Variants in DPP10 observed in about 807,000 individuals in gnomAD.
DPP10 encodes inactive dipeptidyl peptidase 10.
In DPP10, 33 loss-of-function variants were observed where a neutral mutation model predicts 120.9. The observed-to-expected ratio is 0.27, with a 90% confidence interval of 0.21 to 0.37. The LOEUF (loss-of-function observed/expected upper bound fraction) is 0.37. Among genes scored for constraint, DPP10 ranks in the 10% least tolerant of loss-of-function variants. The probability of loss-of-function intolerance (pLI) is 1.00; values close to 1 mark genes in which losing one functional copy is unlikely to be tolerated. For synonymous variants in DPP10, 337 were observed against 326.1 expected (o/e 1.03, Z -0.36); for missense variants, 816 against 942.8 (o/e 0.87, Z 1.76).
intron 1 of DPP10, among the ~76,000 whole-genome samples, chr2:114,989,162 T>G (rs1700607890): frequency 6.6e-6 from 1 of 152,224 alleles, no homozygotes; most frequent in Non-Finnish European, 1.5e-5. Flanking sequence ...GTTGTTTTCC[T>G]TATTTTTTTC....
chr2:115,309,197 G>T, intron 1 of DPP10, 42 bp from the exon 2 acceptor site: 1 of 1,481,034 alleles, frequency 6.8e-7, no homozygotes, highest in Non-Finnish European at 9.4e-7. Flanking sequence ...CATTTCTCTT[G>T]GAGCATGAAT....
intron 1 of DPP10, among the ~76,000 whole-genome samples, chr2:114,610,341 AC>A (rs1693181182): frequency 6.6e-6 from 1 of 152,152 alleles, no homozygotes; most frequent in South Asian, 2.1e-4. Context: ...AAGGCATTAG[AC>A]CTTTTTAACC....
chr2:114,863,025 T>C (rs1689947897), intron 1 of DPP10, among the ~76,000 whole-genome samples: 1 of 152,132 alleles, frequency 6.6e-6, no homozygotes, highest in Non-Finnish European at 1.5e-5. Flanking sequence ...TCGCAGTACA[T>C]ATGTGTTTGC....
chr2:115,306,016 T>A (rs529317471), intron 1 of DPP10, among the ~76,000 whole-genome samples: 34 of 151,274 alleles, frequency 2.2e-4, no homozygotes, highest in Admixed American at 9.2e-4. Context: ...TAGGTAAGAG[T>A]TTTTTTTATG....
chr2:115,345,101 A>AAATG (rs2063645273), intron 3 of DPP10, among the ~76,000 whole-genome samples: 1 of 152,228 alleles, frequency 6.6e-6, no homozygotes, highest in Non-Finnish European at 1.5e-5. Flanking sequence ...TTTTTTGAAT[A>AAATG]AATGAATGAA....
At chr2:115,328,919 T>G (rs1035652757) in intron 2 of DPP10, among the ~76,000 whole-genome samples, 1 of 152,082 alleles carries the variant, frequency 6.6e-6, no homozygotes, top group Non-Finnish European at 1.5e-5. Context: ...AAATATGACC[T>G]TCTAACTCTG....
At position 115,574,784 on chromosome 2, in the gene DPP10, T is replaced by C. The variant is rs1316713383; in HGVS notation, c.441+48812T>C. Among the ~76,000 whole-genome samples the C allele has an allele frequency of 2.0e-5, 3 of 152,298 alleles. No homozygotes were observed. In the East Asian group the frequency reaches 5.8e-4, roughly 29 times the overall value. On this transcript the variant is annotated intron_variant, in intron 5 of 25. Transcript: ENST00000410059. Reference sequence around the variant, plus strand: ...ATGAATTTACCTCGGGCATTGCAGTTCCTTAGATGTACGTGACCTCCAGGG... The same window carrying C: ...ATGAATTTACCTCGGGCATTGCAGTCCCTTAGATGTACGTGACCTCCAGGG...
At chr2:115,685,516 T>G (rs2090941371) in intron 5 of DPP10, among the ~76,000 whole-genome samples, 1 of 151,986 alleles carries the variant, frequency 6.6e-6, no homozygotes, top group East Asian at 1.9e-4. Context: ...ATTTTGGTCT[T>G]TGTATTTTGC....
chr2:115,198,041 G>A (rs1319547289), intron 1 of DPP10, among the ~76,000 whole-genome samples: 2 of 152,112 alleles, frequency 1.3e-5, no homozygotes, highest in Non-Finnish European at 2.9e-5. Flanking sequence ...TTAGAGCATT[G>A]CCTCTCAAAC....
At position 115,798,730 on chromosome 2, in the gene DPP10, A is replaced by T. The variant is rs142005293; in HGVS notation, c.1700+7374A>T. Among the ~76,000 whole-genome samples the T allele has an allele frequency of 1.1e-4, 16 of 152,274 alleles. No homozygotes were observed. The East Asian group carries it at 3.1e-3, about 29-fold the overall frequency. On this transcript the variant is annotated intron_variant, in intron 19 of 25. Coordinates refer to ENST00000410059, the MANE Select transcript of DPP10 (RefSeq NM_020868.6). The stretch of plus-strand genomic sequence containing the variant: ...ATTTTTAAAAGAAAACCACAACCCA[A>T]ATAATACAATTGTTATTAATATAGT...
intron 1 of DPP10, among the ~76,000 whole-genome samples, chr2:114,605,293 A>G (rs1330665339): frequency 6.6e-6 from 1 of 152,090 alleles, no homozygotes; most frequent in African/African-American, 2.4e-5. Flanking sequence ...GCATGGGTCC[A>G]CCTATACGTG....
intron 1 of DPP10, among the ~76,000 whole-genome samples, chr2:114,831,826 C>T (rs1357497789): frequency 7.1e-6 from 1 of 141,120 alleles, no homozygotes; most frequent in Non-Finnish European, 1.5e-5. Flanking sequence ...ATAAGGTTTG[C>T]TCTTCTCTTT....
rs542974038 is a variant in DPP10, at chr2:115,640,456, AAAAG to A, written c.442-49228_442-49225del. On this transcript the variant is annotated intron_variant, in intron 5 of 25. Coordinates refer to ENST00000410059, the MANE Select transcript of DPP10 (RefSeq NM_020868.6). ...CCCTTTCTTATCTGAAAAAGAAAAA[AAAAG>A]AAGAAAGGAAAAAAAAAAACGACAT... 6.9e-4 allele frequency among the ~76,000 whole-genome samples: 105 copies of A among 151,278 alleles called. 1 individual carries two copies. Among genetic ancestry groups the A allele is most frequent in the African/African-American group, 2.5e-3 (100 of 40,646 alleles).
At chr2:115,416,400 C>A (rs893325321) in intron 3 of DPP10, among the ~76,000 whole-genome samples, 1 of 152,096 alleles carries the variant, frequency 6.6e-6, no homozygotes, top group African/African-American at 2.4e-5. Context: ...AGAAATGACT[C>A]AGCTATAAAT....
chr2:115,816,619 GTT>G (rs200119642), intron 21 of DPP10, among the ~76,000 whole-genome samples: 3,121 of 103,738 alleles, frequency 0.03, 30 homozygotes, highest in African/African-American at 0.044. Flanking sequence ...TTTTTGTTTT[GTT>G]TTTTTTTTTT....
At chr2:115,815,896 G>A (rs1687173118) in intron 21 of DPP10, among the ~76,000 whole-genome samples, 167 bp downstream of exon 21, 1 of 151,738 alleles carries the variant, frequency 6.6e-6, no homozygotes, top group African/African-American at 2.4e-5. Flanking sequence ...TGATGGCAGA[G>A]GAAGTGGATT....
chr2:115,339,719 A>T (rs2063347856), intron 2 of DPP10, among the ~76,000 whole-genome samples: 1 of 152,170 alleles, frequency 6.6e-6, no homozygotes, highest in Non-Finnish European at 1.5e-5. Flanking sequence ...AAGCTTAGGT[A>T]TGGTATGATT....
In DPP10 at chr2:114,944,722, T is replaced by C. The variant is rs1250925961; in HGVS notation, c.61-364517T>C. ...CATTAGGCATTTTACATACACTATC[T>C]TTTTAAGTCCTCAAAACAGCACTAC... is the stretch of plus-strand genomic sequence containing the variant. On this transcript the variant is annotated intron_variant, in intron 1 of 25. Transcript: ENST00000410059. 1.3e-5 allele frequency among the ~76,000 whole-genome samples: 2 copies of C among 152,200 alleles called. 1 individual carries two copies. Among genetic ancestry groups the C allele is most frequent in the Non-Finnish European group, 2.9e-5 (2 of 68,026 alleles).
intron 1 of DPP10, among the ~76,000 whole-genome samples, chr2:114,763,848 C>T (rs1248760102): frequency 2.0e-5 from 3 of 152,110 alleles, no homozygotes; most frequent in Non-Finnish European, 4.4e-5. Flanking sequence ...AAAACTCTTT[C>T]CTCCATCCTC....
Sources: gnomAD v4.1 joint callset for allele counts (sites outside exome capture counted in the v4.1 genomes callset) on GRCh38, gnomAD v4.1.1 for gene constraint, MANE v1.5 for transcripts, NCBI Gene and HGNC (gene_info 2026-07-23, HGNC 2026-07-21) for gene names.